Variants in B3GAT1 observed in about 807,000 individuals in gnomAD.
The protein encoded by B3GAT1 is beta-1,3-glucuronyltransferase 1, also known as galactosylgalactosylxylosylprotein 3-beta-glucuronosyltransferase 1.
In B3GAT1, 11 loss-of-function variants were observed where a neutral mutation model predicts 28.4. That is an observed-to-expected ratio of 0.39 (90% confidence interval 0.24 to 0.64). The LOEUF (loss-of-function observed/expected upper bound fraction) is 0.64, where lower values mean the gene tolerates loss of function less well. B3GAT1 is among the 30% of genes least tolerant of loss of function. B3GAT1 has a pLI of 0.50. For synonymous variants in B3GAT1, 255 were observed against 223.1 expected (o/e 1.14, Z -1.27); for missense variants, 375 against 491.0 (o/e 0.76, Z 2.23).
At chr11:134,405,497 A>G (rs1049755758) in intron 1 of B3GAT1, among the ~76,000 whole-genome samples, 2 of 152,162 alleles carry the variant, frequency 1.3e-5, no homozygotes, top group African/African-American at 4.8e-5. Context: ...GGCCTGAAGG[A>G]GCTGACCTTC....
intron 1 of B3GAT1, among the ~76,000 whole-genome samples, chr11:134,402,645 A>T (rs1042265987): frequency 1.3e-5 from 2 of 152,118 alleles, no homozygotes; most frequent in African/African-American, 4.8e-5. Context: ...AGGCACAGTG[A>T]CTCATGCCTG....
Position 134,387,705 on chromosome 11 carries a change from G to C in B3GAT1, c.-46C>G. 1 of 1,611,730 alleles carries C rather than the reference G, an allele frequency of 6.2e-7. No homozygotes were observed. Among genetic ancestry groups the C allele is most frequent in the Non-Finnish European group, 8.5e-7 (1 of 1,179,168 alleles). ...ACGGCTCCTCATTACCTGAGTGGCG[G>C]TAAGTTCAGGAGAGGGGCGGCCACG... On this transcript the variant is annotated 5_prime_UTR_variant, in exon 2 of 6. Coordinates refer to ENST00000312527, the MANE Select transcript of B3GAT1 (RefSeq NM_054025.3).
chr11:134,394,315 T>A (rs1029663076), intron 1 of B3GAT1, among the ~76,000 whole-genome samples: 1 of 152,200 alleles, frequency 6.6e-6, no homozygotes, highest in Non-Finnish European at 1.5e-5. Context: ...TCGTCCCCAT[T>A]TTGCATGTGA....
chr11:134,397,913 T>C (rs1377040112), intron 1 of B3GAT1, among the ~76,000 whole-genome samples: 1 of 151,968 alleles, frequency 6.6e-6, no homozygotes, highest in Non-Finnish European at 1.5e-5. Flanking sequence ...GGTCCCGGTG[T>C]CCCCTCCCCC....
rs553555699 is a variant in B3GAT1, at chr11:134,405,962, C to T, written c.-282+5845G>A. Reference sequence around the variant, plus strand: ...CCTCCCTCTGGCCTCCGGCTTGGGTCGCTCTGTGGAAGTGATTTTTCCAGG... The same window carrying T: ...CCTCCCTCTGGCCTCCGGCTTGGGTTGCTCTGTGGAAGTGATTTTTCCAGG... On this transcript the variant is annotated intron_variant, in intron 1 of 5. Transcript: ENST00000312527. Among the ~76,000 whole-genome samples, 12 of 152,340 alleles carry T rather than the reference C, an allele frequency of 7.9e-5. No individual in the cohort carries two copies. In the East Asian group the frequency reaches 1.7e-3, roughly 22 times the overall value.
Position 134,384,154 on chromosome 11 carries a change from G to A in B3GAT1, c.147C>T (p.Pro49=), listed in dbSNP as rs1944216518. 1 of 1,559,236 alleles carries A rather than the reference G, an allele frequency of 6.4e-7. No homozygotes were observed. Among genetic ancestry groups the A allele is most frequent in the Non-Finnish European group, 8.7e-7 (1 of 1,152,468 alleles). ...EGSDPRRETP[P]GADPREYCTS... is the part of the protein sequence containing the mutation. The stretch of plus-strand genomic sequence containing the variant: ...TGCAGTACTCCCTGGGGTCGGCGCC[G>A]GGCGGCGTTTCGCGTCGGGGGTCAC... The change falls in exon 3 of 6, where the codon CCC becomes CCT. Residue 49 remains proline, a synonymous_variant. Transcript: ENST00000312527.
intron 1 of B3GAT1, among the ~76,000 whole-genome samples, chr11:134,396,507 CCT>C (rs776989284): frequency 6.6e-6 from 1 of 152,224 alleles, no homozygotes; most frequent in Non-Finnish European, 1.5e-5. Flanking sequence ...CACCTGCCAG[CCT>C]CTTTCTGCCT....
chr11:134,404,721 C>T (rs988299137), intron 1 of B3GAT1, among the ~76,000 whole-genome samples: 3 of 152,202 alleles, frequency 2.0e-5, no homozygotes, highest in African/African-American at 7.2e-5. Flanking sequence ...GCAACCGCCT[C>T]GCTGTCCTCA....
chr11:134,382,036 G>A lies in B3GAT1; in HGVS notation c.919-12C>T. 1 of 1,613,740 alleles carries A rather than the reference G, an allele frequency of 6.2e-7. No homozygotes were observed. The highest frequency in any genetic ancestry group is 1.3e-5 in the African/African-American group (1 of 75,040). On this transcript the variant is annotated splice_polypyrimidine_tract_variant and intron_variant, in intron 4 of 5. Coordinates refer to ENST00000312527, the MANE Select transcript of B3GAT1 (RefSeq NM_054025.3). ...TGCCACACCAGGATCTGTGTGCCCA[G>A]AGATGCAAAACATGGTGGGACAGGC... is the stretch of plus-strand genomic sequence containing the variant.
chr11:134,383,818 T>A lies in B3GAT1; in HGVS notation c.483A>T (p.Pro161=). The change falls in exon 3 of 6, where the codon CCA becomes CCT. Residue 161 remains proline, a synonymous_variant. Coordinates refer to ENST00000312527, the MANE Select transcript of B3GAT1 (RefSeq NM_054025.3). ...GCTGCATGGTGCCCCGCGGGATGCG[T>A]GGGTCGCGGGCGTCTCCGCGCAGCT... The part of the protein sequence containing the change: ...NYKLRGDARD[P]RIPRGTMQRN... 3 of 1,596,284 alleles carry A rather than the reference T, an allele frequency of 1.9e-6. No individual in the cohort carries two copies. Among genetic ancestry groups the A allele is most frequent in the Non-Finnish European group, 1.7e-6 (2 of 1,172,930 alleles).
At chr11:134,400,617 G>C (rs1001725991) in intron 1 of B3GAT1, among the ~76,000 whole-genome samples, 2 of 152,152 alleles carry the variant, frequency 1.3e-5, no homozygotes, top group Non-Finnish European at 2.9e-5. Flanking sequence ...AACTCAAGAT[G>C]GACCAAAGAT....
rs1944164035 is a variant in B3GAT1, at chr11:134,382,742, C to T, written c.886G>A (p.Asp296Asn). The change falls in exon 4 of 6, where the codon GAC becomes AAC. Residue 296 changes from aspartate (D) to asparagine (N), a missense_variant. By Grantham distance (23) the Asp-to-Asn change is conservative. Coordinates refer to ENST00000312527, the MANE Select transcript of B3GAT1 (RefSeq NM_054025.3). ...CAGTTGGCTGCCTTGGGCTCCAGGT[C>T]GTTGAGGGTGACAAGTTCTCGAAGG... ...SLLRELVTLN[D>N]LEPKAANCTK... The T allele has an allele frequency of 1.9e-6, 3 of 1,613,944 alleles. No individual in the cohort carries two copies. Among genetic ancestry groups the T allele is most frequent in the Non-Finnish European group, 2.5e-6 (3 of 1,179,876 alleles).
chr11:134,392,651 A>G (rs1049351642), intron 1 of B3GAT1, among the ~76,000 whole-genome samples: 3 of 152,170 alleles, frequency 2.0e-5, no homozygotes, highest in Non-Finnish European at 4.4e-5. Context: ...GATTACAGGT[A>G]TGAGCCATGG....
chr11:134,407,754 C>A (rs1406548093), intron 1 of B3GAT1, among the ~76,000 whole-genome samples: 2 of 150,400 alleles, frequency 1.3e-5, no homozygotes, highest in Admixed American at 6.6e-5. Context: ...AAAAAAGCAA[C>A]CCACATAACC....
At position 134,383,713 on chromosome 11, in the gene B3GAT1, G is replaced by T; in HGVS notation, c.588C>A (p.Asp196Glu). Residue 196 changes from aspartate (D) to glutamate (E), a missense_variant, in exon 3 of 6, where the codon GAC (aspartate) becomes GAA (glutamate). Physicochemically the swap from Asp to Glu is conservative, Grantham distance 45. Coordinates refer to ENST00000312527, the MANE Select transcript of B3GAT1 (RefSeq NM_054025.3). Reference protein sequence around the residue: ...SQPGVVYFADDDNTYSLELFE... With the variant: ...SQPGVVYFADEDNTYSLELFE... Reference sequence around the variant, plus strand: ...AGAGCTCCAGGCTGTAGGTGTTGTCGTCGTCGGCGAAGTAGACCACGCCAG... The same window carrying T: ...AGAGCTCCAGGCTGTAGGTGTTGTCTTCGTCGGCGAAGTAGACCACGCCAG... 1 of 1,589,974 alleles carries T rather than the reference G, an allele frequency of 6.3e-7. No individual in the cohort carries two copies. Among genetic ancestry groups the T allele is most frequent in the Non-Finnish European group, 8.6e-7 (1 of 1,164,330 alleles).
chr11:134,383,057 G>C, intron 3 of B3GAT1, 51 bp from the exon 4 acceptor site: 1 of 1,480,262 alleles, frequency 6.8e-7, no homozygotes, highest in East Asian at 2.5e-5. Flanking sequence ...GATGAGGACG[G>C]CCGCGCGTGC....
At chr11:134,406,348 T>C (rs1305492021) in intron 1 of B3GAT1, among the ~76,000 whole-genome samples, 1 of 152,186 alleles carries the variant, frequency 6.6e-6, no homozygotes, top group Admixed American at 6.5e-5. Context: ...AAACAGAATT[T>C]CAGTGGCACT....
intron 1 of B3GAT1, among the ~76,000 whole-genome samples, chr11:134,410,990 G>A (rs1234679600): frequency 6.6e-6 from 1 of 152,224 alleles, no homozygotes; most frequent in Non-Finnish European, 1.5e-5. Context: ...CATGCAGCTA[G>A]GCCTGGCTGG....
intron 1 of B3GAT1, among the ~76,000 whole-genome samples, chr11:134,396,246 G>A (rs1029174861): frequency 6.6e-6 from 1 of 152,166 alleles, no homozygotes; most frequent in African/African-American, 2.4e-5. Flanking sequence ...GCACCGGGGG[G>A]TGGGGCTTCC....
Sources: allele counts gnomAD v4.1 joint callset (sites outside exome capture counted in the v4.1 genomes callset), GRCh38; gene constraint gnomAD v4.1.1; transcripts MANE v1.5; gene names NCBI Gene and HGNC (gene_info 2026-07-23, HGNC 2026-07-21).